Variants in C2orf76 observed in about 807,000 individuals in gnomAD.
C2orf76 encodes the protein chromosome 2 open reading frame 76.
A neutral mutation model predicts 16.9 loss-of-function variants in C2orf76; 23 were observed. The ratio of observed to expected loss-of-function variants is 1.36; its 90% CI spans 0.98 to 1.93. The LOEUF is 1.93. Ranked by LOEUF, C2orf76 falls within the 30% of genes most tolerant of loss-of-function variation. The pLI, the probability that C2orf76 is intolerant of heterozygous loss-of-function variation, is 0.00. For synonymous variants in C2orf76, 48 were observed against 52.3 expected (o/e 0.92, Z 0.35); for missense variants, 152 against 152.6 (o/e 1.00, Z 0.02).
intron 1 of C2orf76, chr2:119,366,546 A>C: frequency 2.1e-6 from 1 of 468,064 alleles, no homozygotes. Flanking sequence ...CTAGACCCCA[A>C]GGGAGGAGCG....
chr2:119,296,636 G>T, the C2orf76 span, among the ~76,000 whole-genome samples: 1 of 152,134 alleles, frequency 6.6e-6, no homozygotes, highest in Non-Finnish European at 1.5e-5. Context: ...TGTCCAAATA[G>T]GCAGGAACTT....
At chr2:119,352,967 T>C (rs1189025481) in intron 1 of C2orf76, among the ~76,000 whole-genome samples, 1 of 152,158 alleles carries the variant, frequency 6.6e-6, no homozygotes, top group Non-Finnish European at 1.5e-5. Flanking sequence ...AAAGAATATA[T>C]GAAATACAGT....
intron 1 of C2orf76, among the ~76,000 whole-genome samples, chr2:119,346,706 G>A (rs986251263): frequency 6.6e-6 from 1 of 152,166 alleles, no homozygotes. Flanking sequence ...TGATGGAAAT[G>A]TTCTGATTCT....
chr2:119,324,031 T>C (rs1287891641), intron 2 of C2orf76, among the ~76,000 whole-genome samples: 1 of 152,218 alleles, frequency 6.6e-6, no homozygotes, highest in Non-Finnish European at 1.5e-5. Context: ...CCATTATTTG[T>C]GAATTATGGG....
intron 1 of C2orf76, among the ~76,000 whole-genome samples, chr2:119,345,541 C>T (rs1264618977): frequency 1.3e-5 from 2 of 152,110 alleles, no homozygotes; most frequent in South Asian, 2.1e-4. Context: ...ATTTTATAAA[C>T]CCATGGGTTC....
chr2:119,366,776 T>C lies in C2orf76; in HGVS notation c.-13+14A>G, dbSNP rs1558803487. 5 of 573,094 alleles carry C rather than the reference T, an allele frequency of 8.7e-6. No homozygotes were observed. The highest frequency in any genetic ancestry group is 1.2e-5 in the Non-Finnish European group (4 of 323,220). The allele number at this position is 573,094 out of a possible 1,614,324, so 35.5% of individuals were successfully genotyped here. Reference sequence around the variant, plus strand: ...CGGCAGCAAAACTAAGCACCCTACTTCCGTTGTCCCCACCTGTTCCCGGCG... The same window carrying C: ...CGGCAGCAAAACTAAGCACCCTACTCCCGTTGTCCCCACCTGTTCCCGGCG... On this transcript the variant is annotated intron_variant, in intron 1 of 5. Transcript: ENST00000334816.
rs374338672 is a variant in C2orf76 at position 119,305,469 on chromosome 2, T to C, written c.305-2921A>G. ...TCATCTATCAACAAGGATTTACCCA[T>C]ATGTCTGAGTCCCTAGCCTCATGCT... is the stretch of plus-strand genomic sequence containing the variant. On this transcript the variant is annotated intron_variant, in intron 5 of 5. Transcript: ENST00000334816. Among the ~76,000 whole-genome samples, 21 of 152,234 alleles carry C rather than the reference T, an allele frequency of 1.4e-4. 1 individual carries two copies. The highest frequency in any genetic ancestry group is 5.1e-4 in the African/African-American group (21 of 41,470).
At chr2:119,312,039 C>G (rs560114572) in intron 4 of C2orf76, among the ~76,000 whole-genome samples, 31 of 152,210 alleles carry the variant, frequency 2.0e-4, no homozygotes, top group African/African-American at 7.2e-4. Context: ...GAGGAGAGGC[C>G]CCTTCCTCAT....
At chr2:119,307,054 A>C (rs1345312516) in intron 5 of C2orf76, among the ~76,000 whole-genome samples, 1 of 152,062 alleles carries the variant, frequency 6.6e-6, no homozygotes, top group Non-Finnish European at 1.5e-5. Flanking sequence ...AGCAGTGAAA[A>C]GGGAGACAGA....
intron 4 of C2orf76, among the ~76,000 whole-genome samples, chr2:119,311,999 G>T (rs1280195143): frequency 2.0e-5 from 3 of 152,104 alleles, no homozygotes; most frequent in Admixed American, 1.3e-4. Context: ...AACCTCTCTA[G>T]GACTCGATTT....
At chr2:119,293,522 G>T in the C2orf76 span, among the ~76,000 whole-genome samples, 1 of 152,358 alleles carries the variant, frequency 6.6e-6, no homozygotes, top group Admixed American at 6.5e-5. Flanking sequence ...TGTTCTAGAA[G>T]AATCACTGTG....
intron 1 of C2orf76, among the ~76,000 whole-genome samples, chr2:119,345,286 A>G (rs911572688): frequency 5.9e-5 from 9 of 152,260 alleles, no homozygotes; most frequent in African/African-American, 9.6e-5. Context: ...AAGAACTGAA[A>G]GAGAAACAGT....
intron 4 of C2orf76, 139 bp from the exon 5 acceptor site, chr2:119,311,842 C>T: frequency 3.8e-6 from 3 of 784,194 alleles, no homozygotes; most frequent in Non-Finnish European, 6.0e-6. Flanking sequence ...GTAATGAGGG[C>T]AGTGAACAGA....
chr2:119,304,196 C>T (rs764639949), intron 5 of C2orf76, among the ~76,000 whole-genome samples: 2 of 152,196 alleles, frequency 1.3e-5, no homozygotes, highest in Non-Finnish European at 2.9e-5. Flanking sequence ...TTCTAATCAA[C>T]CTTCTAATGA....
intron 5 of C2orf76, among the ~76,000 whole-genome samples, chr2:119,304,895 A>G (rs1678727686): frequency 6.6e-6 from 1 of 152,238 alleles, no homozygotes; most frequent in African/African-American, 2.4e-5. Flanking sequence ...AGGTTTCTAC[A>G]TCATCACTTT....
the C2orf76 span, among the ~76,000 whole-genome samples, chr2:119,287,070 T>C: frequency 6.6e-6 from 1 of 152,152 alleles, no homozygotes; most frequent in African/African-American, 2.4e-5. Flanking sequence ...GGCAGGTCAC[T>C]TTACCTCCAA....
At chr2:119,330,856 C>CA (rs1679655861) in intron 2 of C2orf76, among the ~76,000 whole-genome samples, 1 of 152,176 alleles carries the variant, frequency 6.6e-6, no homozygotes, top group Non-Finnish European at 1.5e-5. Flanking sequence ...AGTGTATACC[C>CA]ATCTCAGACA....
intron 1 of C2orf76, among the ~76,000 whole-genome samples, chr2:119,357,092 C>A (rs1379628147): frequency 6.6e-6 from 1 of 152,030 alleles, no homozygotes; most frequent in Non-Finnish European, 1.5e-5. Context: ...GAAAAGAAAT[C>A]TCCAGTCCTA....
chr2:119,355,196 A>T (rs13011967), intron 1 of C2orf76, among the ~76,000 whole-genome samples: 12,411 of 152,298 alleles, frequency 0.081, 719 homozygotes, highest in Middle Eastern at 0.13. Flanking sequence ...TATACTGGGT[A>T]TAAATTCTAT....
Sources: gnomAD v4.1 joint callset for allele counts (sites outside exome capture counted in the v4.1 genomes callset) on GRCh38, gnomAD v4.1.1 for gene constraint, MANE v1.5 for transcripts, NCBI Gene and HGNC (gene_info 2026-07-23, HGNC 2026-07-21) for gene names.